GRID2: variants seen among roughly 807,000 people sequenced by gnomAD.
GRID2 encodes glutamate receptor ionotropic, delta-2.
In GRID2, 33 loss-of-function variants were observed where a neutral mutation model predicts 114.8. The ratio of observed to expected loss-of-function variants is 0.29; its 90% CI spans 0.22 to 0.38. GRID2 has a LOEUF of 0.38. GRID2 is among the 10% of genes least tolerant of loss of function. GRID2 has a pLI of 1.00. For synonymous variants in GRID2, 505 were observed against 449.9 expected (o/e 1.12, Z -1.55); for missense variants, 1,184 against 1,257.7 (o/e 0.94, Z 0.89).
chr4:92,839,072 A>G (rs951271422), intron 2 of GRID2, among the ~76,000 whole-genome samples: 1 of 152,064 alleles, frequency 6.6e-6, no homozygotes, highest in Admixed American at 6.6e-5. Context: ...TGAGAATGCT[A>G]TGGCAGTGAT....
intron 2 of GRID2, among the ~76,000 whole-genome samples, chr4:92,882,911 T>C (rs899390056): frequency 7.9e-5 from 12 of 152,364 alleles, no homozygotes; most frequent in African/African-American, 2.9e-4. Flanking sequence ...GCCTCCATGT[T>C]GAAGGCTGCT....
intron 4 of GRID2, among the ~76,000 whole-genome samples, chr4:93,166,751 T>C (rs1738286821): frequency 6.6e-6 from 1 of 152,140 alleles, no homozygotes; most frequent in Non-Finnish European, 1.5e-5. Flanking sequence ...CCTTAATGTC[T>C]GTTCTCTCTG....
At chr4:92,773,633 AT>A (rs1304118164) in intron 2 of GRID2, among the ~76,000 whole-genome samples, 6 of 152,004 alleles carry the variant, frequency 3.9e-5, no homozygotes, top group Non-Finnish European at 8.8e-5. Context: ...TATATAAAAA[AT>A]AGTTAATACC....
At chr4:92,381,648 T>C (rs1418221499) in intron 1 of GRID2, among the ~76,000 whole-genome samples, 1 of 152,070 alleles carries the variant, frequency 6.6e-6, no homozygotes, top group Non-Finnish European at 1.5e-5. Context: ...TCTTTTCTAA[T>C]GCATTCTTTG....
intron 2 of GRID2, among the ~76,000 whole-genome samples, chr4:92,784,544 A>G (rs1235466186): frequency 2.6e-5 from 4 of 151,940 alleles, no homozygotes; most frequent in African/African-American, 7.2e-5. Flanking sequence ...TAAATATTAT[A>G]TAAAATTCTG....
chr4:92,336,954 GTTTTTTTTT>G (rs59093874), intron 1 of GRID2, among the ~76,000 whole-genome samples: 1 of 78,184 alleles, frequency 1.3e-5, no homozygotes, highest in Non-Finnish European at 2.3e-5. Context: ...TTTCGTTGTT[GTTTTTTTTT>G]TTTTTTTTTT....
chr4:93,580,573 T>A (rs1198731974), intron 13 of GRID2, among the ~76,000 whole-genome samples: 1 of 152,162 alleles, frequency 6.6e-6, no homozygotes, highest in Non-Finnish European at 1.5e-5. Flanking sequence ...GCACCAGGCA[T>A]GAATGTTTTA....
intron 1 of GRID2, among the ~76,000 whole-genome samples, chr4:92,560,500 G>T (rs1727054372): frequency 6.6e-6 from 1 of 152,080 alleles, no homozygotes; most frequent in African/African-American, 2.4e-5. Context: ...ATTACATTGA[G>T]GATGAACTGC....
intron 1 of GRID2, among the ~76,000 whole-genome samples, chr4:92,398,699 C>G (rs1215408117): frequency 6.6e-6 from 1 of 152,040 alleles, no homozygotes; most frequent in African/African-American, 2.4e-5. Context: ...GAGTAGTCAT[C>G]ATCGTTGAAG....
chr4:93,149,573 C>CA (rs201508289), intron 4 of GRID2, among the ~76,000 whole-genome samples: 66,535 of 141,616 alleles, frequency 0.47, 15,299 homozygotes, highest in Admixed American at 0.61. Flanking sequence ...AAGACTCCAT[C>CA]AAAAAAAAAA....
intron 14 of GRID2, among the ~76,000 whole-genome samples, chr4:93,739,632 C>T (rs1291517837): frequency 1.3e-5 from 2 of 152,106 alleles, no homozygotes; most frequent in Non-Finnish European, 2.9e-5. Context: ...GGAAAAGTTG[C>T]CACTATCCAA....
intron 4 of GRID2, among the ~76,000 whole-genome samples, chr4:93,190,529 A>G (rs1286053530): frequency 6.6e-6 from 1 of 152,138 alleles, no homozygotes; most frequent in African/African-American, 2.4e-5. Flanking sequence ...CAGATTCCAA[A>G]TCATATCCAA....
intron 10 of GRID2, among the ~76,000 whole-genome samples, chr4:93,426,185 C>T (rs929587430): frequency 7.9e-5 from 12 of 152,116 alleles, no homozygotes; most frequent in African/African-American, 2.9e-4. Flanking sequence ...CTATTTAATA[C>T]ATAAGTTACA....
chr4:92,415,444 T>G (rs1285049526), intron 1 of GRID2, among the ~76,000 whole-genome samples: 1 of 151,774 alleles, frequency 6.6e-6, no homozygotes, highest in Non-Finnish European at 1.5e-5. Flanking sequence ...ACTGTACCTG[T>G]GTAGTCTTTT....
At chr4:93,172,856 A>C (rs536887081) in intron 4 of GRID2, among the ~76,000 whole-genome samples, 8 of 152,274 alleles carry the variant, frequency 5.3e-5, no homozygotes, top group Admixed American at 4.6e-4. Context: ...AATAAAGTTA[A>C]CTGATAATGA....
chr4:92,646,673 A>T (rs1428837571), intron 2 of GRID2, among the ~76,000 whole-genome samples: 1 of 152,230 alleles, frequency 6.6e-6, no homozygotes, highest in Non-Finnish European at 1.5e-5. Context: ...AAATGTAAAC[A>T]AATGTAAAAC....
rs1304620161 is a variant in GRID2, at chr4:93,044,336, C to T, written c.245-40659C>T. On this transcript the variant is annotated intron_variant, in intron 2 of 15. Coordinates refer to ENST00000282020, the MANE Select transcript of GRID2 (RefSeq NM_001510.4). ...ATTACATTTGAAAAGAATGGGATCT[C>T]GATGAGGTAAGATACTTTTAGTTTA... is the stretch of plus-strand genomic sequence containing the variant. Among the ~76,000 whole-genome samples the T allele has an allele frequency of 4.6e-5, 7 of 151,512 alleles. No homozygotes were observed. The South Asian group carries it at 1.2e-3, about 27-fold the overall frequency.
chr4:92,325,056 T>TAC (rs1726524151), intron 1 of GRID2, among the ~76,000 whole-genome samples: 1 of 151,906 alleles, frequency 6.6e-6, no homozygotes. Flanking sequence ...GTAATATATA[T>TAC]ACAGTATATG....
intron 2 of GRID2, among the ~76,000 whole-genome samples, chr4:92,764,826 G>A (rs1325321154): frequency 6.6e-6 from 1 of 152,122 alleles, no homozygotes; most frequent in Non-Finnish European, 1.5e-5. Context: ...AATTCACTTA[G>A]TATTGTATAG....
Sources: gnomAD v4.1 joint callset for allele counts (sites outside exome capture counted in the v4.1 genomes callset) on GRCh38, gnomAD v4.1.1 for gene constraint, MANE v1.5 for transcripts, NCBI Gene and HGNC (gene_info 2026-07-23, HGNC 2026-07-21) for gene names.